PELI2: variants seen among roughly 807,000 people sequenced by gnomAD.
The protein encoded by PELI2 is pellino E3 ubiquitin protein ligase family member 2, also known as E3 ubiquitin-protein ligase pellino homolog 2.
In PELI2, 23 loss-of-function variants were observed where a neutral mutation model predicts 42.3. The observed-to-expected ratio is 0.54, with a 90% CI of 0.39 to 0.77. PELI2 has a LOEUF of 0.77. PELI2 is among the 30% of genes least tolerant of loss of function. The pLI is 0.00. For missense variants in PELI2, 463 were observed against 553.2 expected, an observed-to-expected ratio of 0.84 and a Z score of 1.64; for synonymous variants, 245 against 212.2, an observed-to-expected ratio of 1.15 and a Z score of -1.34.
At chr14:56,150,237 G>A (rs759077222) in intron 1 of PELI2, among the ~76,000 whole-genome samples, 7 of 152,204 alleles carry the variant, frequency 4.6e-5, no homozygotes, top group Non-Finnish European at 8.8e-5. Flanking sequence ...ACATTAAGAT[G>A]CAGTGTTAAC....
chr14:56,173,278 G>C (rs1219663835), intron 1 of PELI2, among the ~76,000 whole-genome samples: 2 of 152,102 alleles, frequency 1.3e-5, no homozygotes, highest in African/African-American at 4.8e-5. Flanking sequence ...TTAAAACCAG[G>C]GTTCTTACCT....
At chr14:56,201,690 GGGGT>G (rs1886338191) in intron 2 of PELI2, among the ~76,000 whole-genome samples, 1 of 152,082 alleles carries the variant, frequency 6.6e-6, no homozygotes, top group Non-Finnish European at 1.5e-5. Flanking sequence ...TTGCTTTTAG[GGGGT>G]GGCTCAGTTG....
chr14:56,208,675 A>G (rs1407630547), intron 2 of PELI2, among the ~76,000 whole-genome samples: 1 of 152,204 alleles, frequency 6.6e-6, no homozygotes, highest in Non-Finnish European at 1.5e-5. Flanking sequence ...ACCCTTGAGT[A>G]CTCACGAGTT....
intron 2 of PELI2, among the ~76,000 whole-genome samples, chr14:56,233,450 A>G (rs1003782005): frequency 1.3e-5 from 2 of 152,142 alleles, no homozygotes; most frequent in African/African-American, 2.4e-5. Flanking sequence ...AAGTAATACC[A>G]CACATCTACA....
intron 2 of PELI2, among the ~76,000 whole-genome samples, chr14:56,206,030 C>T (rs1012490279): frequency 8.5e-5 from 13 of 152,182 alleles, no homozygotes; most frequent in African/African-American, 2.4e-4. Context: ...GCTTTCAAAC[C>T]GGCGCTCCCA....
Position 56,296,646 on chromosome 14 carries a change from T to C in PELI2, c.743T>C (p.Leu248Pro). ...CTGCAGGACGGCTCCCTCATTGACC[T>C]GTGTGGGGCCACTCTCCTCTGGAGA... is the stretch of plus-strand genomic sequence containing the variant. ...NVLQDGSLID[L>P]CGATLLWRTA... The change falls in exon 6 of 6, where the codon CTG becomes CCG. Residue 248 changes from leucine (L) to proline (P), a missense_variant. By Grantham distance (98) the Leu-to-Pro change is moderately conservative (BLOSUM62 -3). This residue lies in a region of PELI2 where 343 missense variants were observed against 378.4 expected (regional missense o/e 0.91). Transcript: ENST00000267460. 1 of 1,613,522 alleles carries C rather than the reference T, an allele frequency of 6.2e-7. No individual in the cohort carries two copies. Among genetic ancestry groups the C allele is most frequent in the Non-Finnish European group, 8.5e-7 (1 of 1,179,510 alleles).
intron 1 of PELI2, 126 bp downstream of exon 1, chr14:56,118,863 G>C: frequency 7.6e-6 from 4 of 527,602 alleles, no homozygotes; most frequent in Non-Finnish European, 1.2e-5. Context: ...CGGCAGGAGA[G>C]GCTCTCAGGG....
intron 2 of PELI2, among the ~76,000 whole-genome samples, chr14:56,256,970 A>G (rs778628640): frequency 2.6e-5 from 4 of 152,188 alleles, no homozygotes; most frequent in East Asian, 1.9e-4. Flanking sequence ...ATTTGCTTTG[A>G]TAAACATTGA....
In PELI2 at chr14:56,298,878, C is replaced by T. The variant is rs1055820034; in HGVS notation, c.*1712C>T. 1.3e-5 allele frequency: 2 copies of T among 152,088 alleles called. No homozygotes were observed. Among genetic ancestry groups the T allele is most frequent in the Non-Finnish European group, 2.9e-5 (2 of 68,018 alleles). 9.4% of individuals were successfully genotyped at this position (152,088 alleles called of 1,614,324 possible). On this transcript the variant is annotated 3_prime_UTR_variant, in exon 6 of 6. Transcript: ENST00000267460. Reference sequence around the variant, plus strand: ...GGTAAATTTTAAATGGTGTGAAAATCGATGACAACAGTCCTCTTACAGATA... The same window carrying T: ...GGTAAATTTTAAATGGTGTGAAAATTGATGACAACAGTCCTCTTACAGATA...
At chr14:56,122,630 G>A (rs965003993) in intron 1 of PELI2, among the ~76,000 whole-genome samples, 1 of 150,958 alleles carries the variant, frequency 6.6e-6, no homozygotes, top group African/African-American at 2.4e-5. Context: ...TTCACAAAAT[G>A]TATTTTTATT....
chr14:56,127,086 T>C (rs1399402536), intron 1 of PELI2, among the ~76,000 whole-genome samples: 1 of 152,222 alleles, frequency 6.6e-6, no homozygotes, highest in Non-Finnish European at 1.5e-5. Flanking sequence ...AAAAGCATTT[T>C]TGGAGTGGCT....
At chr14:56,172,684 T>G (rs1467100508) in intron 1 of PELI2, among the ~76,000 whole-genome samples, 1 of 152,192 alleles carries the variant, frequency 6.6e-6, no homozygotes, top group Non-Finnish European at 1.5e-5. Flanking sequence ...TGTGGGTACT[T>G]TTCAAGATTC....
chr14:56,126,171 C>T (rs1330545509), intron 1 of PELI2, among the ~76,000 whole-genome samples: 2 of 152,212 alleles, frequency 1.3e-5, no homozygotes, highest in African/African-American at 4.8e-5. Context: ...GGGAAGCAGG[C>T]CATCTGTTCT....
rs185513513 is a variant in PELI2, at chr14:56,250,808, C to T, written c.208-28868C>T. 9.9e-4 allele frequency among the ~76,000 whole-genome samples: 150 copies of T among 152,220 alleles called. 1 individual carries two copies. Among genetic ancestry groups the T allele is most frequent in the Admixed American group, 5.2e-3 (79 of 15,290 alleles). On this transcript the variant is annotated intron_variant, in intron 2 of 5. Transcript: ENST00000267460. Reference sequence around the variant, plus strand: ...TGGCGACACCCTCACAGGCACCCACCGAACAATACTTTGCATCCTTCAGTC... The same window carrying T: ...TGGCGACACCCTCACAGGCACCCACTGAACAATACTTTGCATCCTTCAGTC...
At chr14:56,211,951 A>T (rs1365211139) in intron 2 of PELI2, among the ~76,000 whole-genome samples, 1 of 152,166 alleles carries the variant, frequency 6.6e-6, no homozygotes, top group Non-Finnish European at 1.5e-5. Context: ...GGACCATTGA[A>T]GTAGAAGACC....
intron 2 of PELI2, among the ~76,000 whole-genome samples, chr14:56,211,812 T>C (rs1886722527): frequency 6.6e-6 from 1 of 150,378 alleles, no homozygotes; most frequent in Non-Finnish European, 1.5e-5. Flanking sequence ...CTTTTTTTTT[T>C]ACTTTTTGGT....
intron 1 of PELI2, among the ~76,000 whole-genome samples, chr14:56,165,938 C>A (rs1429153769): frequency 6.6e-6 from 1 of 152,076 alleles, no homozygotes. Flanking sequence ...GGCAACAGAT[C>A]AATGGGTCAG....
rs1033444053 is a variant in PELI2 at position 56,297,187 on chromosome 14, G to A, written c.*21G>A. On this transcript the variant is annotated 3_prime_UTR_variant, in exon 6 of 6. Transcript: ENST00000267460. ...ACTGACGCCCTTGACAGCCATCTAC[G>A]ACTTTATTAACAGGTTACTGTGAAG... 2.6e-6 allele frequency: 4 copies of A among 1,538,290 alleles called. No individual in the cohort carries two copies. Among genetic ancestry groups the A allele is most frequent in the African/African-American group, 2.7e-5 (2 of 73,562 alleles).
chr14:56,270,089 C>G (rs984824229), intron 2 of PELI2, among the ~76,000 whole-genome samples: 3 of 152,172 alleles, frequency 2.0e-5, no homozygotes, highest in African/African-American at 7.2e-5. Flanking sequence ...AGCACTCTTG[C>G]GTGCCATAGA....
Sources: gnomAD v4.1 joint callset for allele counts (sites outside exome capture counted in the v4.1 genomes callset) on GRCh38, gnomAD v4.1.1 for gene constraint, gnomAD v4.1.1 regional missense constraint, MANE v1.5 for transcripts, NCBI Gene and HGNC (gene_info 2026-07-23, HGNC 2026-07-21) for gene names.